Variants in SNTG2 observed in about 807,000 individuals in gnomAD.
SNTG2 encodes gamma-2-syntrophin.
A neutral mutation model predicts 70.9 loss-of-function variants in SNTG2; 74 were observed. The ratio of observed to expected loss-of-function variants is 1.04; its 90% CI spans 0.86 to 1.27. The LOEUF (loss-of-function observed/expected upper bound fraction) is 1.27, where lower values mean the gene tolerates loss of function less well. Ranked by LOEUF, SNTG2 falls within the 50% of genes most tolerant of loss-of-function variation. The pLI, the probability that SNTG2 is intolerant of heterozygous loss-of-function variation, is 0.00. For synonymous variants in SNTG2, 278 were observed against 273.8 expected (o/e 1.02, Z -0.15); for missense variants, 717 against 690.7 (o/e 1.04, Z -0.43).
intron 9 of SNTG2, among the ~76,000 whole-genome samples, chr2:1,215,550 C>CTTTTTTTTCT (rs1674326244): frequency 1.3e-5 from 2 of 150,824 alleles, no homozygotes; most frequent in South Asian, 4.2e-4. Flanking sequence ...TCTTTTTTTT[C>CTTTTTTTTCT]TTTTTTTTCT....
chr2:1,262,566 A>C (rs1302989745), intron 13 of SNTG2, among the ~76,000 whole-genome samples: 3 of 152,254 alleles, frequency 2.0e-5, no homozygotes, highest in Non-Finnish European at 4.4e-5. Context: ...CAGAGGTGGG[A>C]AGAAGCCGGG....
intron 14 of SNTG2, among the ~76,000 whole-genome samples, chr2:1,275,800 T>A (rs1330439374): frequency 6.6e-6 from 1 of 152,240 alleles, no homozygotes; most frequent in Non-Finnish European, 1.5e-5. Context: ...CAAAACCTTC[T>A]TGTGCCAAAT....
In SNTG2 at chr2:1,098,444, A is replaced by G. The variant is rs191935151; in HGVS notation, c.325+34A>G. 7.6e-4 allele frequency: 1,220 copies of G among 1,596,968 alleles called. 7 individuals are homozygous for G. In the African/African-American group the frequency reaches 0.015, roughly 19 times the overall value. ...AGCCAAAATGACCTGTGTATGCATC[A>G]CAGCCATTTGTGAGATAACAAATTA... On this transcript the variant is annotated intron_variant, in intron 4 of 16. Transcript: ENST00000308624.
At chr2:1,230,072 C>T (rs1337058828) in intron 9 of SNTG2, among the ~76,000 whole-genome samples, 1 of 152,200 alleles carries the variant, frequency 6.6e-6, no homozygotes, top group African/African-American at 2.4e-5. Flanking sequence ...AAGGGCTCCT[C>T]AAGTGCTGCC....
chr2:1,288,010 A>G (rs1679837899), intron 14 of SNTG2, among the ~76,000 whole-genome samples: 1 of 152,188 alleles, frequency 6.6e-6, no homozygotes, highest in South Asian at 2.1e-4. Flanking sequence ...GGAACCTCGG[A>G]CAAGTTTTTA....
intron 1 of SNTG2, among the ~76,000 whole-genome samples, chr2:999,716 G>C (rs1439388720): frequency 1.3e-5 from 2 of 151,938 alleles, no homozygotes; most frequent in African/African-American, 4.8e-5. Context: ...GAGAGAACTA[G>C]ACAAATCATT....
intron 1 of SNTG2, among the ~76,000 whole-genome samples, chr2:982,000 G>C (rs113063862): frequency 6.6e-6 from 1 of 151,468 alleles, no homozygotes; most frequent in African/African-American, 2.4e-5. Flanking sequence ...GTGCACACAC[G>C]TGTCCACACA....
chr2:1,024,567 GTC>G (rs1660371484), intron 1 of SNTG2, among the ~76,000 whole-genome samples: 1 of 152,066 alleles, frequency 6.6e-6, no homozygotes, highest in Non-Finnish European at 1.5e-5. Context: ...TAGAGGTGTG[GTC>G]TCACTATGTT....
chr2:1,221,479 C>G (rs13014490), intron 9 of SNTG2, among the ~76,000 whole-genome samples: 6,324 of 7,804 alleles, frequency 0.81, 2,736 homozygotes, highest in Middle Eastern at 1. Flanking sequence ...CTCTGTCTCT[C>G]TCTCTCTCTG....
In SNTG2 at chr2:951,062, T is replaced by G. The variant is rs1659937809; in HGVS notation, c.66T>G (p.Pro22=). ...GACGCCAGGGCTGCCTGCTGGTACC[T>G]GCGCGGGTGAGTGCGGCCCCTCAGC... ...SRGRQGCLLV[P]ARTKTTIALL... is the part of the protein sequence containing the mutation. Residue 22 remains proline (P), a synonymous_variant, in exon 1 of 17, where the codon CCT becomes CCG. Coordinates refer to ENST00000308624, the MANE Select transcript of SNTG2 (RefSeq NM_018968.4). 1 of 1,266,176 alleles carries G rather than the reference T, an allele frequency of 7.9e-7. No individual in the cohort carries two copies. The allele number at this position is 1,266,176 out of a possible 1,614,324, so 78.4% of individuals were successfully genotyped here. A position where few individuals can be genotyped will look rare whatever the true frequency, so the allele number is the denominator to read the frequency against.
chr2:1,201,832 T>G (rs548517952), intron 8 of SNTG2, among the ~76,000 whole-genome samples: 1 of 151,984 alleles, frequency 6.6e-6, no homozygotes, highest in Admixed American at 6.5e-5. Flanking sequence ...TGGTCTGAAT[T>G]ACATATCATG....
chr2:968,015 ACT>A (rs1660626228), intron 1 of SNTG2, among the ~76,000 whole-genome samples: 1 of 151,000 alleles, frequency 6.6e-6, no homozygotes, highest in Admixed American at 6.7e-5. Context: ...ACAGAGCGAG[ACT>A]CTGTCTCAAA....
intron 6 of SNTG2, among the ~76,000 whole-genome samples, chr2:1,154,308 G>A (rs1037679931): frequency 3.3e-5 from 5 of 152,184 alleles, no homozygotes; most frequent in East Asian, 3.9e-4. Flanking sequence ...GCATCTTCCC[G>A]GAGGGTCCAG....
intron 9 of SNTG2, among the ~76,000 whole-genome samples, chr2:1,211,526 AT>A (rs956662671): frequency 6.6e-6 from 1 of 152,138 alleles, no homozygotes; most frequent in African/African-American, 2.4e-5. Context: ...AGACTGGGTA[AT>A]TTATAAAGAA....
chr2:1,184,538 G>C (rs867091555), intron 8 of SNTG2, among the ~76,000 whole-genome samples: 11 of 152,290 alleles, frequency 7.2e-5, no homozygotes, highest in African/African-American at 1.9e-4. Flanking sequence ...AGGAAGCATG[G>C]CTGGGGAGGC....
At chr2:1,012,335 C>T (rs75729458) in intron 1 of SNTG2, among the ~76,000 whole-genome samples, 2,953 of 152,312 alleles carry the variant, frequency 0.019, 106 homozygotes, top group African/African-American at 0.066. Flanking sequence ...CTCTCATCCT[C>T]GGTGCAAGTG....
intron 6 of SNTG2, among the ~76,000 whole-genome samples, chr2:1,147,984 T>C (rs1669210708): frequency 6.6e-6 from 1 of 152,240 alleles, no homozygotes; most frequent in Admixed American, 6.5e-5. Flanking sequence ...TCATCTGTTT[T>C]TGCATTATAA....
chr2:1,273,460 C>T (rs971217833), intron 14 of SNTG2, among the ~76,000 whole-genome samples: 14 of 152,060 alleles, frequency 9.2e-5, no homozygotes, highest in African/African-American at 2.2e-4. Flanking sequence ...TCATTAATGC[C>T]TTTACCACTC....
At chr2:1,210,153 C>T (rs1017805802) in intron 9 of SNTG2, among the ~76,000 whole-genome samples, 2 of 152,168 alleles carry the variant, frequency 1.3e-5, no homozygotes, top group African/African-American at 4.8e-5. Context: ...AGCTGTACAG[C>T]CTCTCACAAA....
Sources: gnomAD v4.1 joint callset for allele counts (sites outside exome capture counted in the v4.1 genomes callset) on GRCh38, gnomAD v4.1.1 for gene constraint, MANE v1.5 for transcripts, NCBI Gene and HGNC (gene_info 2026-07-23, HGNC 2026-07-21) for gene names.